The following NRXN1 variants were observed in gnomAD, a reference collection of about 807,000 sequenced individuals.
NRXN1 encodes the protein neurexin 1, also known as neurexin-1.
Under a neutral mutation model 150.9 loss-of-function variants are expected in NRXN1, and 39 were observed. That is an observed-to-expected ratio of 0.26 (90% CI 0.20 to 0.34). The LOEUF (loss-of-function observed/expected upper bound fraction) is 0.34, where lower values mean the gene tolerates loss of function less well. Among genes scored for constraint, NRXN1 ranks in the 10% least tolerant of loss-of-function variants. The probability of loss-of-function intolerance (pLI) is 1.00; values close to 1 mark genes in which losing one functional copy is unlikely to be tolerated. For missense variants in NRXN1, 1,815 were observed against 1,949.9 expected (o/e 0.93, Z 1.30); for synonymous variants, 924 against 757.0 (o/e 1.22, Z -3.62).
chr2:50,077,074 T>C (rs1270842408), intron 19 of NRXN1, among the ~76,000 whole-genome samples: 1 of 152,214 alleles, frequency 6.6e-6, no homozygotes, highest in East Asian at 1.9e-4. Flanking sequence ...TGCTCATTTA[T>C]CACAAGGAGA....
intron 17 of NRXN1, among the ~76,000 whole-genome samples, chr2:50,386,041 A>G (rs2351516): frequency 0.25 from 38,456 of 151,836 alleles, 5,142 homozygotes; most frequent in East Asian, 0.45. Flanking sequence ...ATAAATATCT[A>G]TGATATACAA....
chr2:50,483,050 C>CAAAAAAAAAAA (rs70948712), intron 15 of NRXN1, among the ~76,000 whole-genome samples: 1 of 75,414 alleles, frequency 1.3e-5, no homozygotes, highest in African/African-American at 5.2e-5. Flanking sequence ...GACTCCGTGT[C>CAAAAAAAAAAA]AAAAAAAAAA....
chr2:50,890,651 T>G (rs184419344), intron 5 of NRXN1, among the ~76,000 whole-genome samples: 258 of 151,986 alleles, frequency 1.7e-3, no homozygotes, highest in Non-Finnish European at 2.9e-3. Context: ...GCAGGAGAAC[T>G]TTTTATTCTT....
At chr2:50,927,624 T>A (rs912943114) in intron 2 of NRXN1, among the ~76,000 whole-genome samples, 8 of 152,014 alleles carry the variant, frequency 5.3e-5, no homozygotes, top group African/African-American at 1.2e-4. Context: ...ATATAAATTA[T>A]TGTAATGTTT....
chr2:50,287,099 T>A (rs1361842815), intron 17 of NRXN1, among the ~76,000 whole-genome samples: 2 of 152,106 alleles, frequency 1.3e-5, no homozygotes, highest in African/African-American at 2.4e-5. Context: ...ATGACTTAAC[T>A]GAGCTTAATA....
chr2:50,735,842 C>T (rs1419468920), intron 5 of NRXN1, among the ~76,000 whole-genome samples: 10 of 152,132 alleles, frequency 6.6e-5, no homozygotes, highest in East Asian at 1.9e-4. Flanking sequence ...ATAACCTATA[C>T]ATCTGCCGTA....
At chr2:50,931,004 C>T (rs538187908) in intron 2 of NRXN1, among the ~76,000 whole-genome samples, 1 of 152,232 alleles carries the variant, frequency 6.6e-6, no homozygotes, top group South Asian at 2.1e-4. Context: ...ACCTACTTTC[C>T]CAACTTACCA....
intron 17 of NRXN1, among the ~76,000 whole-genome samples, chr2:50,461,350 T>G (rs1324605671): frequency 6.6e-6 from 1 of 151,996 alleles, no homozygotes; most frequent in South Asian, 2.1e-4. Context: ...TCTTCCCTTA[T>G]GGTAACAGAC....
In NRXN1 at chr2:50,192,305, T is replaced by C. The variant is rs78896474; in HGVS notation, c.3546+44484A>G. On this transcript the variant is annotated intron_variant, in intron 18 of 22. Coordinates refer to ENST00000401669, the MANE Select transcript of NRXN1 (RefSeq NM_001330078.2). ...CATTTTCTTTAAAGCATGAAATGCA[T>C]CTTTTAAAATATTGATTAGAGACTA... Among the ~76,000 whole-genome samples, 523 of 152,314 alleles carry C rather than the reference T, an allele frequency of 3.4e-3. 31 individuals are homozygous for C. In the East Asian group the frequency reaches 0.082, roughly 24 times the overall value.
At chr2:50,008,515 G>A (rs1573376948) in intron 21 of NRXN1, among the ~76,000 whole-genome samples, 1 of 149,456 alleles carries the variant, frequency 6.7e-6, no homozygotes, top group African/African-American at 2.5e-5. Flanking sequence ...CACCCAGGCT[G>A]GAGAGTGGCA....
chr2:50,436,406 T>A (rs111247525), intron 17 of NRXN1, among the ~76,000 whole-genome samples: 3,852 of 151,214 alleles, frequency 0.025, 67 homozygotes, highest in Non-Finnish European at 0.039. Context: ...TGGGCCGAGA[T>A]AGTGCTATTG....
chr2:50,535,228 T>C (rs1229396735), intron 10 of NRXN1, among the ~76,000 whole-genome samples: 1 of 152,242 alleles, frequency 6.6e-6, no homozygotes, highest in Non-Finnish European at 1.5e-5. Flanking sequence ...GTAAAATTAT[T>C]TCATCATTTA....
chr2:50,838,817 C>T (rs1441969195), intron 5 of NRXN1, among the ~76,000 whole-genome samples: 2 of 152,058 alleles, frequency 1.3e-5, no homozygotes, highest in African/African-American at 2.4e-5. Flanking sequence ...TGATTTCAGA[C>T]GTCTATCCTC....
chr2:50,245,873 T>C (rs191851213), intron 17 of NRXN1, among the ~76,000 whole-genome samples: 1 of 151,868 alleles, frequency 6.6e-6, no homozygotes, highest in Admixed American at 6.6e-5. Flanking sequence ...GTCTTCTCAA[T>C]GTCAAACAGA....
At chr2:50,968,858 T>G (rs756949193) in intron 2 of NRXN1, among the ~76,000 whole-genome samples, 6 of 152,094 alleles carry the variant, frequency 3.9e-5, no homozygotes, top group African/African-American at 9.7e-5. Flanking sequence ...CACTGGTCAC[T>G]TCTTCGTTCC....
intron 2 of NRXN1, among the ~76,000 whole-genome samples, chr2:50,960,246 G>C (rs538581967): frequency 6.6e-6 from 1 of 151,996 alleles, no homozygotes; most frequent in Admixed American, 6.6e-5. Flanking sequence ...TTCCATATCA[G>C]ATGGAGACAG....
intron 18 of NRXN1, among the ~76,000 whole-genome samples, chr2:50,180,578 G>A (rs2060643981): frequency 6.6e-6 from 1 of 152,022 alleles, no homozygotes; most frequent in African/African-American, 2.4e-5. Context: ...TTGGGGAGAA[G>A]GGTTCTGCCC....
In NRXN1 at chr2:50,070,566, C is replaced by T. The variant is rs1305063911; in HGVS notation, c.3719-15522G>A. 2.0e-5 allele frequency among the ~76,000 whole-genome samples: 3 copies of T among 151,676 alleles called. 1 individual carries two copies. Among genetic ancestry groups the T allele is most frequent in the South Asian group, 4.2e-4 (2 of 4,798 alleles). ...CGGGCGGATCACAAGGTCAGGAGAT[C>T]GAGACCATCCCGGCTAAAACGGTGA... On this transcript the variant is annotated intron_variant, in intron 19 of 22. Transcript: ENST00000401669.
intron 21 of NRXN1, among the ~76,000 whole-genome samples, chr2:50,007,972 A>G (rs1404678145): frequency 6.6e-6 from 1 of 152,152 alleles, no homozygotes; most frequent in Admixed American, 6.6e-5. Flanking sequence ...TCACCATTCT[A>G]AGTAACCAGT....
Sources: allele counts gnomAD v4.1 joint callset (sites outside exome capture counted in the v4.1 genomes callset), GRCh38; gene constraint gnomAD v4.1.1; transcripts MANE v1.5; gene names NCBI Gene and HGNC (gene_info 2026-07-23, HGNC 2026-07-21).